Variants in SYNE2 observed in about 807,000 individuals in gnomAD.
SYNE2 encodes nesprin-2.
In SYNE2, 431 loss-of-function variants were observed where a neutral mutation model predicts 856.3. That is an observed-to-expected ratio of 0.50 (90% CI 0.47 to 0.55). SYNE2 has a LOEUF of 0.55. SYNE2 is among the 20% of genes least tolerant of loss of function. SYNE2 has a pLI of 0.00. For synonymous variants in SYNE2, 2,923 were observed against 2,872.3 expected (o/e 1.02, Z -0.56); for missense variants, 8,129 against 8,023.2 (o/e 1.01, Z -0.50).
At chr14:64,057,729 T>C (rs1160441857) in intron 49 of SYNE2, among the ~76,000 whole-genome samples, 2 of 152,222 alleles carry the variant, frequency 1.3e-5, no homozygotes, top group Non-Finnish European at 2.9e-5. Flanking sequence ...TAATTTGCAT[T>C]ACCACCAACA....
intron 1 of SYNE2, among the ~76,000 whole-genome samples, chr14:63,764,104 A>C (rs1375658617): frequency 6.6e-6 from 1 of 152,256 alleles, no homozygotes; most frequent in African/African-American, 2.4e-5. Context: ...GTCCAGGAGA[A>C]TTAAAATTTG....
At chr14:63,769,109 T>TA (rs1159539245) in intron 1 of SYNE2, among the ~76,000 whole-genome samples, 1 of 151,980 alleles carries the variant, frequency 6.6e-6, no homozygotes, top group Non-Finnish European at 1.5e-5. Flanking sequence ...ACCTCATCTC[T>TA]AAAAAAATGT....
At position 64,181,361 on chromosome 14, in the gene SYNE2, G is replaced by A. The variant is rs564731419; in HGVS notation, c.17556+3878G>A. On this transcript the variant is annotated intron_variant, in intron 96 of 115. Transcript: ENST00000555002. ...ACTTTGGTAACAACGGAAATAATTT[G>A]GAGTCATGCTCTCAGCTGAAACACA... 5.6e-4 allele frequency among the ~76,000 whole-genome samples: 85 copies of A among 152,262 alleles called. 1 individual carries two copies. The highest frequency in any genetic ancestry group is 1.5e-3 in the Admixed American group (23 of 15,292).
chr14:63,803,974 T>C (rs1888261042), intron 1 of SYNE2, among the ~76,000 whole-genome samples: 1 of 152,218 alleles, frequency 6.6e-6, no homozygotes, highest in African/African-American at 2.4e-5. Flanking sequence ...ATCAAGTTGT[T>C]TGAAAGTGTG....
chr14:64,179,728 ATT>A (rs981845537), intron 96 of SYNE2, among the ~76,000 whole-genome samples: 2 of 151,220 alleles, frequency 1.3e-5, no homozygotes, highest in African/African-American at 4.9e-5. Context: ...CCATTGGGCT[ATT>A]TGTCTTTTTC....
intron 70 of SYNE2, among the ~76,000 whole-genome samples, chr14:64,124,298 T>TCTC (rs2097920284): frequency 6.6e-6 from 1 of 151,808 alleles, no homozygotes; most frequent in African/African-American, 2.4e-5. Context: ...GCTCAAACGA[T>TCTC]CTCCTGCCTC....
At chr14:63,922,883 A>G (rs1313375110) in intron 2 of SYNE2, among the ~76,000 whole-genome samples, 1 of 152,174 alleles carries the variant, frequency 6.6e-6, no homozygotes, top group East Asian at 1.9e-4. Context: ...CTGGCATTCC[A>G]AAATGTAAGA....
chr14:64,142,175 T>A, intron 82 of SYNE2, 87 bp downstream of exon 82: 1 of 1,509,528 alleles, frequency 6.6e-7, no homozygotes, highest in African/African-American at 1.4e-5. Flanking sequence ...ACACATAGGA[T>A]ATAATTTCAA....
intron 95 of SYNE2, among the ~76,000 whole-genome samples, chr14:64,175,506 G>C (rs1279385847): frequency 6.6e-6 from 1 of 152,098 alleles, no homozygotes; most frequent in East Asian, 1.9e-4. Context: ...TCCAAATAAT[G>C]TATGATTATA....
chr14:63,848,246 T>A (rs1026391246), upstream of SYNE2: 1 of 152,192 alleles, frequency 6.6e-6, no homozygotes, highest in Non-Finnish European at 1.5e-5. Flanking sequence ...GTCTATGTTA[T>A]TATTTATTTA....
chr14:63,974,768 G>GTA (rs755692318), intron 11 of SYNE2, among the ~76,000 whole-genome samples: 316 of 121,714 alleles, frequency 2.6e-3, no homozygotes, highest in Middle Eastern at 4.3e-3. Flanking sequence ...ACGTGTGTGT[G>GTA]TATATATATA....
intron 36 of SYNE2, among the ~76,000 whole-genome samples, 167 bp downstream of exon 36, chr14:64,021,682 A>C (rs562535757): frequency 6.6e-6 from 1 of 152,258 alleles, no homozygotes. Flanking sequence ...TGCTTTGTGC[A>C]TGATAATTAT....
At chr14:63,801,448 G>A (rs957147772) in intron 1 of SYNE2, among the ~76,000 whole-genome samples, 1 of 152,116 alleles carries the variant, frequency 6.6e-6, no homozygotes, top group Non-Finnish European at 1.5e-5. Flanking sequence ...GAGGCAGGCA[G>A]ATCACCTGAG....
intron 46 of SYNE2, 176 bp downstream of exon 46, chr14:64,048,331 C>A: frequency 1.9e-6 from 1 of 529,108 alleles, no homozygotes; most frequent in Non-Finnish European, 3.2e-6. Flanking sequence ...TAAATCTTTC[C>A]ATTTAGAAAG....
At chr14:64,104,620 T>C (rs1053345699) in intron 64 of SYNE2, among the ~76,000 whole-genome samples, 1 of 152,054 alleles carries the variant, frequency 6.6e-6, no homozygotes, top group Non-Finnish European at 1.5e-5. Flanking sequence ...TGGCTCATTT[T>C]TTTTGTTTTT....
At chr14:64,100,586 A>T (rs1278773251) in intron 63 of SYNE2, among the ~76,000 whole-genome samples, 2 of 124,204 alleles carry the variant, frequency 1.6e-5, no homozygotes, top group African/African-American at 5.7e-5. Context: ...GACATGTATG[A>T]TGTTTTGATA....
intron 79 of SYNE2, 151 bp downstream of exon 79, chr14:64,138,134 C>T (rs747899461): frequency 8.9e-5 from 66 of 744,870 alleles, no homozygotes; most frequent in Non-Finnish European, 1.4e-4. Flanking sequence ...CTGGGCTAAA[C>T]GCGATGTAGA....
Position 64,082,766 on chromosome 14 carries a change from A to G in SYNE2, c.11484+1186A>G, listed in dbSNP as rs1257104491. 2.6e-5 allele frequency among the ~76,000 whole-genome samples: 4 copies of G among 152,238 alleles called. No individual in the cohort carries two copies. In the East Asian group the frequency reaches 7.7e-4, roughly 29 times the overall value. ...TTAAGCCATTAAGTTTGTGGTAATTAGTTACACAGCAATAGAAAACGAACC... is the reference window on the plus strand; with the variant it reads ...TTAAGCCATTAAGTTTGTGGTAATTGGTTACACAGCAATAGAAAACGAACC... On this transcript the variant is annotated intron_variant, in intron 57 of 115. Coordinates refer to ENST00000555002, the MANE Select transcript of SYNE2 (RefSeq NM_182914.3).
Position 64,098,734 on chromosome 14 carries a change from C to T in SYNE2, c.12307-13C>T, listed in dbSNP as rs754941929. 5.6e-6 allele frequency: 9 copies of T among 1,613,496 alleles called. No homozygotes were observed. The East Asian group carries it at 8.9e-5, about 16-fold the overall frequency. ...CAAGCAGACTGCAGGTATTCTTGTGCTGTGCCTTTCAGTTGAACAGAAGAG... is the reference window on the plus strand; with the variant it reads ...CAAGCAGACTGCAGGTATTCTTGTGTTGTGCCTTTCAGTTGAACAGAAGAG... On this transcript the variant is annotated splice_polypyrimidine_tract_variant and intron_variant, in intron 62 of 115. Coordinates refer to ENST00000555002, the MANE Select transcript of SYNE2 (RefSeq NM_182914.3).
Sources: allele counts gnomAD v4.1 joint callset (sites outside exome capture counted in the v4.1 genomes callset), GRCh38; gene constraint gnomAD v4.1.1; transcripts MANE v1.5; gene names NCBI Gene and HGNC (gene_info 2026-07-23, HGNC 2026-07-21).